CFAP46: variants seen among roughly 807,000 people sequenced by gnomAD.
CFAP46 encodes the protein cilia- and flagella-associated protein 46.
A neutral mutation model predicts 325.7 loss-of-function variants in CFAP46; 245 were observed. The ratio of observed to expected loss-of-function variants is 0.75; its 90% confidence interval spans 0.68 to 0.84. CFAP46 has a LOEUF of 0.84. CFAP46 is among the 40% of genes least tolerant of loss of function. CFAP46 has a pLI of 0.00. For synonymous variants in CFAP46, 1,523 were observed against 1,495.9 expected (o/e 1.02, Z -0.42); for missense variants, 3,346 against 3,543.0 (o/e 0.94, Z 1.41).
At chr10:132,940,111 C>T (rs894375450) in intron 4 of CFAP46, among the ~76,000 whole-genome samples, 1 of 152,112 alleles carries the variant, frequency 6.6e-6, no homozygotes, top group African/African-American at 2.4e-5. Flanking sequence ...GGGGCCTCCC[C>T]GTCCCTGTCC....
chr10:132,885,359 G>A (rs1052682891), intron 26 of CFAP46, 73 bp from the exon 27 acceptor site: 104 of 1,388,578 alleles, frequency 7.5e-5, no homozygotes, highest in African/African-American at 3.8e-4. Flanking sequence ...GATGCAGCCC[G>A]GACTTATTCC....
rs972120629 is a variant in CFAP46, at chr10:132,849,926, T to C, written c.5952+318A>G. Among the ~76,000 whole-genome samples, 18 of 152,032 alleles carry C rather than the reference T, an allele frequency of 1.2e-4. 1 individual carries two copies. Among genetic ancestry groups the C allele is most frequent in the African/African-American group, 3.1e-4 (13 of 41,422 alleles). On this transcript the variant is annotated intron_variant, in intron 41 of 57. Transcript: ENST00000368586. ...CTGCGGGACACACCAGTTGCGTTGC[T>C]CCACGCTCGCCAGCACAGGGCTTGA... is the stretch of plus-strand genomic sequence containing the variant.
chr10:132,864,337 TG>T (rs1848773580), intron 35 of CFAP46, among the ~76,000 whole-genome samples: 2 of 95,804 alleles, frequency 2.1e-5, no homozygotes, highest in South Asian at 4.1e-4. Context: ...TGCACACACC[TG>T]TCCCCAGTGC....
rs749942228 is a variant in CFAP46 at position 132,859,700 on chromosome 10, C to T, written c.5199-453G>A. Reference sequence around the variant, plus strand: ...ACAGCAGGGCCCTGGGCTGCCCTCGCGCCAATGCAGGGAGCTCCACAAAGA... The same window carrying T: ...ACAGCAGGGCCCTGGGCTGCCCTCGTGCCAATGCAGGGAGCTCCACAAAGA... On this transcript the variant is annotated intron_variant, in intron 37 of 57. Coordinates refer to ENST00000368586, the MANE Select transcript of CFAP46 (RefSeq NM_001200049.3). 3.3e-5 allele frequency among the ~76,000 whole-genome samples: 5 copies of T among 152,312 alleles called. No individual in the cohort carries two copies. In the South Asian group the frequency reaches 1.0e-3, roughly 32 times the overall value.
At chr10:132,821,368 T>C (rs1352491228) in intron 50 of CFAP46, among the ~76,000 whole-genome samples, 5 of 143,286 alleles carry the variant, frequency 3.5e-5, no homozygotes, top group African/African-American at 1.4e-4. Context: ...GTGTGTGCTG[T>C]GTGCTGTGTG....
intron 45 of CFAP46, 119 bp downstream of exon 45, chr10:132,836,698 C>T (rs1253457894): frequency 7.0e-6 from 6 of 853,414 alleles, no homozygotes; most frequent in Non-Finnish European, 1.2e-5. Flanking sequence ...CGGGCGTTTC[C>T]CGAGTCCCAG....
At chr10:132,912,318 TCTC>T (rs1310324529) in intron 19 of CFAP46, among the ~76,000 whole-genome samples, 9 of 81,268 alleles carry the variant, frequency 1.1e-4, no homozygotes, top group Admixed American at 7.3e-4. Flanking sequence ...TCCTGTCTCT[TCTC>T]CTCTCTTCTT....
At chr10:132,846,407 G>A (rs533383492) in intron 43 of CFAP46, among the ~76,000 whole-genome samples, 180 bp from the exon 44 acceptor site, 6 of 152,236 alleles carry the variant, frequency 3.9e-5, no homozygotes, top group Non-Finnish European at 5.9e-5. Flanking sequence ...GGCCACGCTT[G>A]TTCCCTCTGT....
intron 17 of CFAP46, among the ~76,000 whole-genome samples, chr10:132,916,308 T>C (rs1270201309): frequency 1.3e-5 from 2 of 152,182 alleles, no homozygotes; most frequent in African/African-American, 4.8e-5. Context: ...TTCCTCGTAG[T>C]AACAGCAAAC....
rs773089474 is a variant in CFAP46 at position 132,836,257 on chromosome 10, T to C, written c.6537-39A>G. Reference sequence around the variant, plus strand: ...GTGGGCCAGGGTCGCAGGCAAGCCATGAAGGAAACACACCTCACAGCCCAG... The same window carrying C: ...GTGGGCCAGGGTCGCAGGCAAGCCACGAAGGAAACACACCTCACAGCCCAG... On this transcript the variant is annotated intron_variant, in intron 45 of 57. Coordinates refer to ENST00000368586, the MANE Select transcript of CFAP46 (RefSeq NM_001200049.3). The C allele has an allele frequency of 1.1e-5, 18 of 1,593,592 alleles. No individual in the cohort carries two copies. The Admixed American group carries it at 2.2e-4, about 19-fold the overall frequency.
chr10:132,844,955 G>A (rs55745536), intron 44 of CFAP46, among the ~76,000 whole-genome samples: 7,952 of 152,248 alleles, frequency 0.052, 284 homozygotes, highest in Non-Finnish European at 0.075. Context: ...CTGGGCTCAA[G>A]TGATCCTCCT....
At chr10:132,852,813 A>T (rs921113514) in intron 39 of CFAP46, among the ~76,000 whole-genome samples, 1 of 152,246 alleles carries the variant, frequency 6.6e-6, no homozygotes, top group African/African-American at 2.4e-5. Flanking sequence ...TTTCATTTTT[A>T]AATGCTGTCA....
rs780264128 is a variant in CFAP46, at chr10:132,835,322, C to T, written c.6726G>A (p.Met2242Ile). The part of the protein sequence containing the change: ...QTQAQVYSED[M>I]ALNIGSEPEG... Reference sequence around the variant, plus strand: ...GCCTCACCGAGCCTATGTTCAGGGCCATGTCCTCACTGTACACCTGGGCCT... The same window carrying T: ...GCCTCACCGAGCCTATGTTCAGGGCTATGTCCTCACTGTACACCTGGGCCT... The change falls in exon 47 of 58, where the codon ATG (methionine) becomes ATA (isoleucine). Residue 2242 changes from methionine to isoleucine, a missense_variant. Coordinates refer to ENST00000368586, the MANE Select transcript of CFAP46 (RefSeq NM_001200049.3). 22 of 1,613,290 alleles carry T rather than the reference C, an allele frequency of 1.4e-5. No individual in the cohort carries two copies. Among genetic ancestry groups the T allele is most frequent in the Non-Finnish European group, 1.7e-5 (20 of 1,179,880 alleles).
chr10:132,838,061 G>A (rs1848295721), intron 44 of CFAP46, among the ~76,000 whole-genome samples: 1 of 152,152 alleles, frequency 6.6e-6, no homozygotes, highest in South Asian at 2.1e-4. Flanking sequence ...TCTCTTCCTG[G>A]CCTTAGGCCC....
chr10:132,858,450 C>T (rs1197333516), intron 38 of CFAP46, among the ~76,000 whole-genome samples: 4 of 151,384 alleles, frequency 2.6e-5, no homozygotes, highest in Non-Finnish European at 4.4e-5. Context: ...TGGGGGCGAC[C>T]CCAGGTTTGG....
chr10:132,837,497 GCACA>G (rs1848272953), intron 44 of CFAP46, among the ~76,000 whole-genome samples: 1 of 31,414 alleles, frequency 3.2e-5, no homozygotes. Context: ...GTACACAGAT[GCACA>G]CAGACGCACA....
At chr10:132,879,737 C>T (rs1297383661) in intron 28 of CFAP46, 106 bp from the exon 29 acceptor site, 12 of 1,151,498 alleles carry the variant, frequency 1.0e-5, no homozygotes, top group Admixed American at 3.2e-5. Context: ...CCCGGTGCCT[C>T]GCGGACACCC....
intron 27 of CFAP46, among the ~76,000 whole-genome samples, chr10:132,882,246 AGT>A (rs1849058530): frequency 7.7e-6 from 1 of 129,072 alleles, no homozygotes; most frequent in African/African-American, 3.1e-5. Context: ...TGGGATGTGG[AGT>A]GTGTGAGTTG....
chr10:132,833,941 G>A, intron 49 of CFAP46, 100 bp downstream of exon 49: 1 of 1,087,538 alleles, frequency 9.2e-7, no homozygotes. Flanking sequence ...CTGGGTTCCT[G>A]ACCCCCCCTG....
Sources: gnomAD v4.1 joint callset for allele counts (sites outside exome capture counted in the v4.1 genomes callset) on GRCh38, gnomAD v4.1.1 for gene constraint, MANE v1.5 for transcripts, NCBI Gene and HGNC (gene_info 2026-07-23, HGNC 2026-07-21) for gene names.